The following KCNT1 variants were observed in gnomAD, a reference collection of about 807,000 sequenced individuals.
KCNT1 encodes the protein potassium channel subfamily T member 1.
KCNT1 carries 78 observed loss-of-function variants against 147.8 expected under a neutral mutation model. That is an observed-to-expected ratio of 0.53 (90% CI 0.44 to 0.64). The LOEUF (loss-of-function observed/expected upper bound fraction) is 0.64, where lower values mean the gene tolerates loss of function less well. Among genes scored for constraint, KCNT1 ranks in the 30% least tolerant of loss-of-function variants. The probability of loss-of-function intolerance (pLI) is 0.00; values close to 1 mark genes in which losing one functional copy is unlikely to be tolerated. For synonymous variants in KCNT1, 867 were observed against 748.8 expected (o/e 1.16, Z -2.58); for missense variants, 1,419 against 1,750.3 (o/e 0.81, Z 3.38).
In KCNT1 at chr9:135,778,685, C is replaced by T. The variant is rs748127975; in HGVS notation, c.2595-3C>T. 1.2e-6 allele frequency: 2 copies of T among 1,613,522 alleles called. No individual in the cohort carries two copies. The highest frequency in any genetic ancestry group is 1.7e-5 in the Admixed American group (1 of 60,006). ...AGCCACGGGCCCTCGGTCCCGCCAC[C>T]AGCCTGGACAGCCTGCTGCAGTGTG... On this transcript the variant is annotated splice_region_variant and splice_polypyrimidine_tract_variant and intron_variant, in intron 22 of 30. Coordinates refer to ENST00000371757, the MANE Select transcript of KCNT1 (RefSeq NM_020822.3).
At chr9:135,732,024 A>AGAGAGAGAGAGGGAGAGAGAGAGAGAGG in intron 2 of KCNT1, among the ~76,000 whole-genome samples, 1 of 65,118 alleles carries the variant, frequency 1.5e-5, no homozygotes, top group East Asian at 6.1e-4. Flanking sequence ...AGAGAGAGAG[A>AGAGAGAGAGAGGGAGAGAGAGAGAGAGG]GAGAGAGAGA....
intron 24 of KCNT1, among the ~76,000 whole-genome samples, chr9:135,783,048 G>T (rs895498550): frequency 6.6e-6 from 1 of 152,190 alleles, no homozygotes; most frequent in Non-Finnish European, 1.5e-5. Context: ...CTCCGTGGGC[G>T]CACACGCCTG....
At chr9:135,726,722 ACTCT>A (rs1268868659) in intron 2 of KCNT1, among the ~76,000 whole-genome samples, 1 of 58,208 alleles carries the variant, frequency 1.7e-5, no homozygotes, top group East Asian at 5.2e-4. Context: ...TCTCTCTCTC[ACTCT>A]CTACCTTTCC....
intron 2 of KCNT1, among the ~76,000 whole-genome samples, chr9:135,745,491 GCTGT>G: frequency 6.6e-6 from 1 of 152,340 alleles, no homozygotes; most frequent in East Asian, 1.9e-4. Context: ...GAAGGCCTGC[GCTGT>G]CTCTTTTGGC....
chr9:135,756,335 TG>T lies in KCNT1; in HGVS notation c.541-537del, dbSNP rs561800111. Among the ~76,000 whole-genome samples, 481 of 152,250 alleles carry T rather than the reference TG, an allele frequency of 3.2e-3. 1 individual carries two copies. Among genetic ancestry groups the T allele is most frequent in the Admixed American group, 8.8e-3 (134 of 15,292 alleles). On this transcript the variant is annotated intron_variant, in intron 6 of 30. Transcript: ENST00000371757. ...CCCTCCACTGACCCATCTGTGTCCT[TG>T]CTGTTTTCCTGGGGTGGAGAGTGCA...
intron 2 of KCNT1, among the ~76,000 whole-genome samples, chr9:135,731,979 TATATATATATATAG>T (rs1836468499): frequency 3.9e-4 from 11 of 28,234 alleles, no homozygotes; most frequent in African/African-American, 1.1e-3. Flanking sequence ...TATATATATA[TATATATATATATAG>T]AGAGAGAGAG....
intron 2 of KCNT1, among the ~76,000 whole-genome samples, chr9:135,732,674 C>T (rs1338493349): frequency 6.6e-6 from 1 of 152,074 alleles, no homozygotes; most frequent in African/African-American, 2.4e-5. Context: ...TGCCCAAATT[C>T]CTCCTGGGGA....
In KCNT1 at chr9:135,765,706, G is replaced by T; in HGVS notation, c.1283G>T (p.Arg428Leu). The T allele has an allele frequency of 6.2e-7, 1 of 1,610,844 alleles. No homozygotes were observed. The highest frequency in any genetic ancestry group is 8.5e-7 in the Non-Finnish European group (1 of 1,178,912). Residue 428 changes from arginine to leucine, a missense_variant, in exon 13 of 31, where the codon CGG (arginine) becomes CTG (leucine). By Grantham distance (102) the Arg-to-Leu change is moderately radical. This residue lies in a region of KCNT1 where 401 missense variants were observed against 610.6 expected (regional missense o/e 0.66). Transcript: ENST00000371757. The part of the protein sequence containing the change: ...RVLQIPLWSQ[R>L]VIYLQGSALK... ...CTGCAGATCCCTCTGTGGTCCCAGCGGGTCATCTACCTCCAGGGCTCTGCA... is the reference window on the plus strand; with the variant it reads ...CTGCAGATCCCTCTGTGGTCCCAGCTGGTCATCTACCTCCAGGGCTCTGCA...
chr9:135,754,114 G>T, intron 5 of KCNT1, 121 bp downstream of exon 5: 1 of 838,134 alleles, frequency 1.2e-6, no homozygotes, highest in Non-Finnish European at 2.0e-6. Context: ...GGACCAGGGT[G>T]GGGTGGGATG....
chr9:135,770,933 C>T lies in KCNT1; in HGVS notation c.1846C>T (p.Leu616=). The T allele has an allele frequency of 1.2e-6, 2 of 1,612,940 alleles. No individual in the cohort carries two copies. The highest frequency in any genetic ancestry group is 1.7e-6 in the Non-Finnish European group (2 of 1,179,510). The change falls in exon 18 of 31, where the codon CTG becomes TTG. Residue 616 remains leucine, a synonymous_variant. Transcript: ENST00000371757. ...GCTGAACCCGGGGCCCCGGCACATCCTGGCCGCCTCTGACACCTGCTTCTA... is the reference window on the plus strand; with the variant it reads ...GCTGAACCCGGGGCCCCGGCACATCTTGGCCGCCTCTGACACCTGCTTCTA... ...ILLNPGPRHI[L]AASDTCFYIN...
chr9:135,759,614 C>A, intron 10 of KCNT1, 65 bp from the exon 11 acceptor site: 2 of 1,516,438 alleles, frequency 1.3e-6, no homozygotes, highest in Non-Finnish European at 1.8e-6. Context: ...CAGGCAGGAT[C>A]TCTGAGGGGC....
Position 135,779,396 on chromosome 9 carries a change from C to T in KCNT1, c.2767C>T (p.His923Tyr). 6.2e-7 allele frequency: 1 copy of T among 1,613,962 alleles called. No homozygotes were observed. The highest frequency in any genetic ancestry group is 2.2e-5 in the East Asian group (1 of 44,862). The part of the protein sequence containing the change: ...PSLSITTELT[H>Y]PSNMRFMQFR... ...CCTCAGCATCACCACGGAGCTCACC[C>T]ACCCTTCCAACATGCGCTTCATGCA... Residue 923 changes from histidine (H) to tyrosine (Y), a missense_variant, in exon 24 of 31, where the codon CAC becomes TAC. This residue lies in a region of KCNT1 where 247 missense variants were observed against 397.1 expected (regional missense o/e 0.62). Coordinates refer to ENST00000371757, the MANE Select transcript of KCNT1 (RefSeq NM_020822.3).
intron 24 of KCNT1, among the ~76,000 whole-genome samples, chr9:135,783,672 G>T (rs1310615550): frequency 6.6e-6 from 1 of 152,226 alleles, no homozygotes; most frequent in Admixed American, 6.5e-5. Context: ...CGGGGGAGGA[G>T]AGGATTATCA....
chr9:135,768,723 G>A (rs1343706181), intron 14 of KCNT1, 50 bp downstream of exon 14: 1 of 1,536,414 alleles, frequency 6.5e-7, no homozygotes, highest in African/African-American at 1.4e-5. Context: ...CGTGGGGCCG[G>A]GGAGCGGGGG....
At chr9:135,705,176 C>T (rs1420414285) in intron 1 of KCNT1, among the ~76,000 whole-genome samples, 2 of 152,184 alleles carry the variant, frequency 1.3e-5, no homozygotes, top group Non-Finnish European at 2.9e-5. Context: ...CATCTCATGC[C>T]CTCGGAGGGT....
chr9:135,749,671 G>A (rs1193650081), intron 2 of KCNT1, among the ~76,000 whole-genome samples: 7 of 152,246 alleles, frequency 4.6e-5, no homozygotes, highest in Non-Finnish European at 1.0e-4. Context: ...CCTGTATGAC[G>A]CAGGTCCTAC....
At chr9:135,768,346 G>C in intron 13 of KCNT1, 1 of 116,650 alleles carries the variant, frequency 8.6e-6, no homozygotes, top group Non-Finnish European at 1.5e-5. Flanking sequence ...ATGTGGGTTG[G>C]GGGGGGGGGG....
At chr9:135,735,906 G>T (rs974851358) in intron 2 of KCNT1, among the ~76,000 whole-genome samples, 1 of 152,218 alleles carries the variant, frequency 6.6e-6, no homozygotes, top group African/African-American at 2.4e-5. Flanking sequence ...ACCTGGGCGA[G>T]TCACCTGGAG....
At chr9:135,764,178 C>T (rs1490392374) in intron 11 of KCNT1, among the ~76,000 whole-genome samples, 2 of 152,120 alleles carry the variant, frequency 1.3e-5, no homozygotes, top group Non-Finnish European at 2.9e-5. Flanking sequence ...TTCAACAAGC[C>T]GGGCACCATG....
Sources: gnomAD v4.1 joint callset for allele counts (sites outside exome capture counted in the v4.1 genomes callset) on GRCh38, gnomAD v4.1.1 for gene constraint, gnomAD v4.1.1 regional missense constraint, MANE v1.5 for transcripts, NCBI Gene and HGNC (gene_info 2026-07-23, HGNC 2026-07-21) for gene names.